Variants in PLS3 observed in about 807,000 individuals in gnomAD.
The protein encoded by PLS3 is plastin 3, also known as plastin-3.
PLS3 carries 11 observed loss-of-function variants against 46.5 expected under a neutral mutation model. The observed-to-expected ratio is 0.24, with a 90% CI of 0.15 to 0.39. The LOEUF (loss-of-function observed/expected upper bound fraction) is 0.39, where lower values mean the gene tolerates loss of function less well. Among genes scored for constraint, PLS3 ranks in the 10% least tolerant of loss-of-function variants. The probability of loss-of-function intolerance (pLI) is 1.00; values close to 1 mark genes in which losing one functional copy is unlikely to be tolerated. For missense variants in PLS3, 308 were observed against 461.8 expected (o/e 0.67, Z 3.05); for synonymous variants, 167 against 162.2 (o/e 1.03, Z -0.22).
rs2074918882 is a variant in PLS3 at position 115,643,498 on chromosome X, T to C, written c.1173T>C (p.Thr391=). 2 of 1,157,099 alleles carry C rather than the reference T, an allele frequency of 1.7e-6. No homozygotes were observed. Among genetic ancestry groups the C allele is most frequent in the South Asian group, 3.6e-5 (2 of 55,306 alleles). ...CAGAGAACCAGGATATTGACTGGAC[T>C]CTATTAGAAGGTAACTAAAAACCTC... ...TKPENQDIDW[T]LLEGETREER... The change falls in exon 10 of 16, where the codon ACT becomes ACC. Residue 391 remains threonine, a synonymous_variant. Coordinates refer to ENST00000355899, the MANE Select transcript of PLS3 (RefSeq NM_005032.7).
intron 1 of PLS3, among the ~76,000 whole-genome samples, chrX:115,597,624 C>T (rs956728238): frequency 4.5e-5 from 5 of 111,688 alleles, no homozygotes; most frequent in African/African-American, 1.6e-4. Flanking sequence ...ACAAGTATTC[C>T]TGAAATTTTA....
intron 13 of PLS3, among the ~76,000 whole-genome samples, chrX:115,647,292 G>T (rs1375901666): frequency 2.7e-5 from 3 of 110,666 alleles, no homozygotes; most frequent in Non-Finnish European, 5.7e-5. Flanking sequence ...AATTAGCCGG[G>T]CGTGGTGGTG....
chrX:115,620,701 C>CTT (rs2074641611), intron 2 of PLS3, among the ~76,000 whole-genome samples: 1 of 81,519 alleles, frequency 1.2e-5, no homozygotes, highest in East Asian at 3.8e-4. Context: ...TTTTTTTTTT[C>CTT]TTTTCTTTTT....
chrX:115,645,563 G>C (rs2074942865), intron 11 of PLS3, among the ~76,000 whole-genome samples: 1 of 111,356 alleles, frequency 9.0e-6, no homozygotes, highest in Non-Finnish European at 1.9e-5. Flanking sequence ...AGGGACTTTG[G>C]TTCATTGTTC....
chrX:115,577,015 T>A (rs187924655), intron 1 of PLS3, among the ~76,000 whole-genome samples: 2 of 112,110 alleles, frequency 1.8e-5, no homozygotes, highest in African/African-American at 6.5e-5. Flanking sequence ...GAGGATCAGG[T>A]CGCCATCACT....
At position 115,619,072 on chromosome X, in the gene PLS3, C is replaced by T. The variant is rs375665180; in HGVS notation, c.74-3174C>T. 4.3e-3 allele frequency among the ~76,000 whole-genome samples: 486 copies of T among 111,795 alleles called. 2 individuals are homozygous for T. Among genetic ancestry groups the T allele is most frequent in the African/African-American group, 0.015 (461 of 30,827 alleles). ...TCACTCTGTATCTGTATTTAATATG[C>T]GTTACTATTCTATCTCCAGGTTTTA... is the stretch of plus-strand genomic sequence containing the variant. On this transcript the variant is annotated intron_variant, in intron 2 of 15. Transcript: ENST00000355899.
chrX:115,612,197 A>G (rs2074554654), intron 2 of PLS3, among the ~76,000 whole-genome samples: 1 of 111,423 alleles, frequency 9.0e-6, no homozygotes, highest in Non-Finnish European at 1.9e-5. Flanking sequence ...TATCAACCAT[A>G]CATTCAGAGG....
rs187748305 is a variant in PLS3 at position 115,611,393 on chromosome X, T to A, written c.73+1070T>A. Among the ~76,000 whole-genome samples, 7 of 112,612 alleles carry A rather than the reference T, an allele frequency of 6.2e-5. No individual in the cohort carries two copies. In the East Asian group the frequency reaches 1.7e-3, roughly 27 times the overall value. On this transcript the variant is annotated intron_variant, in intron 2 of 15. Transcript: ENST00000355899. ...AAAATAGCAGTTAATTACCTTGCCA[T>A]GGATACCACTTACTGTAAGAAAAAT...
Position 115,637,013 on chromosome X carries a change from AT to A in PLS3, c.891+36del, listed in dbSNP as rs782531845. 7 of 1,154,223 alleles carry A rather than the reference AT, an allele frequency of 6.1e-6. No homozygotes were observed. In the African/African-American group the frequency reaches 1.3e-4, roughly 21 times the overall value. On this transcript the variant is annotated intron_variant, in intron 8 of 15. Transcript: ENST00000355899. ...GAAAGAATCACAACATTTTGGGGGG[AT>A]ATAATAGCTGGAAGATTTCATCCCA...
intron 2 of PLS3, among the ~76,000 whole-genome samples, chrX:115,620,706 CT>C (rs1176959674): frequency 0.017 from 916 of 54,695 alleles, 6 homozygotes; most frequent in African/African-American, 0.062. Context: ...TTTTTCTTTT[CT>C]TTTTTTTTTT....
intron 5 of PLS3, 113 bp from the exon 6 acceptor site, chrX:115,633,887 T>A (rs1314407265): frequency 4.0e-6 from 2 of 497,080 alleles, no homozygotes; most frequent in Non-Finnish European, 7.1e-6. Flanking sequence ...TTAGAGTACA[T>A]GAAAGAGATG....
chrX:115,603,175 G>A (rs1272493056), intron 1 of PLS3, among the ~76,000 whole-genome samples: 1 of 111,608 alleles, frequency 9.0e-6, no homozygotes, highest in East Asian at 2.8e-4. Context: ...CATAATTGCA[G>A]TATTGTTAGT....
chrX:115,575,448 A>G lies in PLS3; in HGVS notation c.-9+14188A>G, dbSNP rs55876363. On this transcript the variant is annotated intron_variant, in intron 1 of 15. Transcript: ENST00000355899. ...ATTTTTCCATCTAAGTTTTTTTGTT[A>G]TTTTTTGTTCCTTGAGACGGAGTCT... 7.2e-5 allele frequency among the ~76,000 whole-genome samples: 8 copies of G among 110,694 alleles called. 1 individual carries two copies. Among genetic ancestry groups the G allele is most frequent in the African/African-American group, 2.7e-4 (8 of 30,175 alleles).
chrX:115,597,350 G>T (rs782131354), intron 1 of PLS3, among the ~76,000 whole-genome samples: 14 of 110,804 alleles, frequency 1.3e-4, no homozygotes, highest in Middle Eastern at 4.7e-3. Flanking sequence ...CATCCACAGG[G>T]GTTATTGGAG....
At chrX:115,600,562 T>C (rs782740444) in intron 1 of PLS3, among the ~76,000 whole-genome samples, 22 of 112,349 alleles carry the variant, frequency 2.0e-4, no homozygotes, top group African/African-American at 6.8e-4. Flanking sequence ...ACACAAGTTT[T>C]TGTGTGCTGT....
At chrX:115,608,729 G>A (rs782306491) in intron 1 of PLS3, among the ~76,000 whole-genome samples, 1 of 112,179 alleles carries the variant, frequency 8.9e-6, no homozygotes, top group East Asian at 2.8e-4. Flanking sequence ...TGTAGCCTAA[G>A]AGGAATAGGC....
chrX:115,619,290 T>C (rs967486412), intron 2 of PLS3, among the ~76,000 whole-genome samples: 1 of 112,454 alleles, frequency 8.9e-6, no homozygotes, highest in Admixed American at 9.4e-5. Context: ...TTTCACATTA[T>C]TCCCACTGTG....
intron 8 of PLS3, among the ~76,000 whole-genome samples, chrX:115,639,519 C>T (rs2074873292): frequency 9.0e-6 from 1 of 111,632 alleles, no homozygotes; most frequent in African/African-American, 3.3e-5. Flanking sequence ...CTATGAGAAA[C>T]ACTCCTTCAT....
intron 1 of PLS3, among the ~76,000 whole-genome samples, chrX:115,578,166 A>G (rs2074259137): frequency 8.9e-6 from 1 of 112,019 alleles, no homozygotes; most frequent in Non-Finnish European, 1.9e-5. Flanking sequence ...TATTTCAGGC[A>G]AGATATGAAG....
Sources: allele counts gnomAD v4.1 joint callset (sites outside exome capture counted in the v4.1 genomes callset), GRCh38; gene constraint gnomAD v4.1.1; transcripts MANE v1.5; gene names NCBI Gene and HGNC (gene_info 2026-07-23, HGNC 2026-07-21).